The following LONRF2 variants were observed in gnomAD, a reference collection of about 807,000 sequenced individuals.
LONRF2 encodes the protein LON peptidase N-terminal domain and ring finger 2.
In LONRF2, 35 loss-of-function variants were observed where a neutral mutation model predicts 66.6. The ratio of observed to expected loss-of-function variants is 0.53; its 90% CI spans 0.40 to 0.70. The LOEUF (loss-of-function observed/expected upper bound fraction) is 0.70, where lower values mean the gene tolerates loss of function less well. Ranked by LOEUF, LONRF2 falls within the 30% of genes least tolerant of loss-of-function variation. LONRF2 has a pLI of 0.00. For synonymous variants in LONRF2, 417 were observed against 418.1 expected (o/e 1.00, Z 0.03); for missense variants, 902 against 1,002.1 (o/e 0.90, Z 1.35).
chr2:100,307,452 A>G (rs1039772202), intron 2 of LONRF2, among the ~76,000 whole-genome samples: 1 of 152,224 alleles, frequency 6.6e-6, no homozygotes, highest in Non-Finnish European at 1.5e-5. Context: ...TTTTTAGCTC[A>G]AAGAATACTA....
At chr2:100,297,778 G>C (rs939294497) in intron 7 of LONRF2, among the ~76,000 whole-genome samples, 3 of 152,134 alleles carry the variant, frequency 2.0e-5, no homozygotes, top group Non-Finnish European at 4.4e-5. Context: ...GAACTCTGAA[G>C]AATTTAAAAA....
At chr2:100,314,563 T>C (rs1372186375) in intron 1 of LONRF2, among the ~76,000 whole-genome samples, 3 of 152,120 alleles carry the variant, frequency 2.0e-5, no homozygotes, top group Admixed American at 6.6e-5. Context: ...CCCTTCTCAC[T>C]TTTTTGGGGG....
At chr2:100,306,314 G>A (rs1459157037) in intron 2 of LONRF2, among the ~76,000 whole-genome samples, 5 of 152,110 alleles carry the variant, frequency 3.3e-5, no homozygotes, top group African/African-American at 7.2e-5. Flanking sequence ...AATTTGCTTC[G>A]ATTATCAAAA....
intron 11 of LONRF2, among the ~76,000 whole-genome samples, chr2:100,284,815 C>T (rs1674812324): frequency 6.6e-6 from 1 of 152,142 alleles, no homozygotes; most frequent in South Asian, 2.1e-4. Context: ...ATCACTTTAA[C>T]CTTCACTTTC....
Position 100,322,211 on chromosome 2 carries a change from G to T in LONRF2, c.-118C>A, listed in dbSNP as rs1573132450. 1.3e-5 allele frequency: 14 copies of T among 1,040,422 alleles called. No individual in the cohort carries two copies. The highest frequency in any genetic ancestry group is 1.7e-5 in the Non-Finnish European group (14 of 825,914). 64.4% of individuals were successfully genotyped at this position (1,040,422 alleles called of 1,614,324 possible). A position where few individuals can be genotyped will look rare whatever the true frequency, so the allele number is the denominator to read the frequency against. ...TCAGCCCTCGCCAGCAGCCACGCGCGTCTGGGGGCGGCGCGCTGCGAGCGG... is the reference window on the plus strand; with the variant it reads ...TCAGCCCTCGCCAGCAGCCACGCGCTTCTGGGGGCGGCGCGCTGCGAGCGG... On this transcript the variant is annotated 5_prime_UTR_variant, in exon 1 of 12. Transcript: ENST00000393437.
At position 100,309,245 on chromosome 2, in the gene LONRF2, C is replaced by T; in HGVS notation, c.680-20G>A. 1 of 1,508,186 alleles carries T rather than the reference C, an allele frequency of 6.6e-7. No homozygotes were observed. Among genetic ancestry groups the T allele is most frequent in the Non-Finnish European group, 9.1e-7 (1 of 1,101,932 alleles). The allele number at this position is 1,508,186 out of a possible 1,614,324, so 93.4% of individuals were successfully genotyped here. A position where few individuals can be genotyped will look rare whatever the true frequency, so the allele number is the denominator to read the frequency against. On this transcript the variant is annotated intron_variant, in intron 1 of 11. Transcript: ENST00000393437. Reference sequence around the variant, plus strand: ...CAGGAGCTGAAAGACAGGAGGAATACAAATCAATAAAAATGACTGCATTTA... The same window carrying T: ...CAGGAGCTGAAAGACAGGAGGAATATAAATCAATAAAAATGACTGCATTTA...
At chr2:100,310,163 T>C (rs953889019) in intron 1 of LONRF2, among the ~76,000 whole-genome samples, 7 of 151,486 alleles carry the variant, frequency 4.6e-5, no homozygotes, top group Non-Finnish European at 1.0e-4. Context: ...AAGACTGGCC[T>C]CTCTTTGAAC....
rs888931855 is a variant in LONRF2, at chr2:100,322,214, TG to T, written c.-122del. 4 of 849,594 alleles carry T rather than the reference TG, an allele frequency of 4.7e-6. No individual in the cohort carries two copies. Among genetic ancestry groups the T allele is most frequent in the African/African-American group, 3.7e-5 (2 of 53,608 alleles). 52.6% of individuals were successfully genotyped at this position (849,594 alleles called of 1,614,324 possible). ...GCCCTCGCCAGCAGCCACGCGCGTC[TG>T]GGGGCGGCGCGCTGCGAGCGGCTGA... On this transcript the variant is annotated 5_prime_UTR_variant, in exon 1 of 12. Coordinates refer to ENST00000393437, the MANE Select transcript of LONRF2 (RefSeq NM_198461.4).
intron 1 of LONRF2, among the ~76,000 whole-genome samples, chr2:100,312,272 C>A (rs983030867): frequency 1.3e-5 from 2 of 152,050 alleles, no homozygotes; most frequent in Non-Finnish European, 2.9e-5. Flanking sequence ...GTTTTAAAAT[C>A]TTTTATAAAT....
At chr2:100,319,407 T>C (rs1378125168) in intron 1 of LONRF2, among the ~76,000 whole-genome samples, 1 of 152,172 alleles carries the variant, frequency 6.6e-6, no homozygotes, top group African/African-American at 2.4e-5. Context: ...TGCAATGAAC[T>C]ATTGCAAAGT....
In LONRF2 at chr2:100,321,534, A is replaced by T; in HGVS notation, c.560T>A (p.Leu187Gln). ...GCACTCGGCCGGGAAGCACTTCTCC[A>T]GCAGGCCGCTCAGCACCACGTTCAC... The part of the protein sequence containing the change: ...RRVNVVLSGL[L>Q]EKCFPAECRL... Residue 187 changes from leucine (L) to glutamine (Q), a missense_variant, in exon 1 of 12, where the codon CTG becomes CAG. Transcript: ENST00000393437. The T allele has an allele frequency of 6.4e-7, 1 of 1,552,412 alleles. No homozygotes were observed. Among genetic ancestry groups the T allele is most frequent in the Non-Finnish European group, 8.6e-7 (1 of 1,161,200 alleles).
chr2:100,292,105 T>C (rs1674973913), intron 9 of LONRF2, among the ~76,000 whole-genome samples: 1 of 152,214 alleles, frequency 6.6e-6, no homozygotes, highest in South Asian at 2.1e-4. Context: ...TCTACTTATA[T>C]ACTTAATAAA....
At chr2:100,288,532 CAA>C (rs1480978980) in intron 10 of LONRF2, among the ~76,000 whole-genome samples, 1 of 152,188 alleles carries the variant, frequency 6.6e-6, no homozygotes, top group Non-Finnish European at 1.5e-5. Flanking sequence ...TTGTTGAGCT[CAA>C]AGAGTTTTCT....
chr2:100,278,021 A>T lies in LONRF2; in HGVS notation c.*6277T>A, dbSNP rs1362003638. The T allele has an allele frequency of 6.6e-6, 1 of 152,204 alleles. No individual in the cohort carries two copies. Among genetic ancestry groups the T allele is most frequent in the East Asian group, 1.9e-4 (1 of 5,188 alleles). The allele number at this position is 152,204 out of a possible 1,614,324, so 9.4% of individuals were successfully genotyped here. On this transcript the variant is annotated 3_prime_UTR_variant, in exon 12 of 12. Transcript: ENST00000393437. ...ACAATGCTGGGCTCTGGGAAAAGGCATTCGCTACAACTTCCACAGCCCTGA... is the reference window on the plus strand; with the variant it reads ...ACAATGCTGGGCTCTGGGAAAAGGCTTTCGCTACAACTTCCACAGCCCTGA...
chr2:100,304,084 A>C (rs1675239662), intron 2 of LONRF2, among the ~76,000 whole-genome samples: 1 of 152,050 alleles, frequency 6.6e-6, no homozygotes, highest in South Asian at 2.1e-4. Flanking sequence ...TTTGCCATGT[A>C]TAATGTGTTA....
At chr2:100,292,897 T>A (rs1674990981) in intron 9 of LONRF2, among the ~76,000 whole-genome samples, 1 of 152,226 alleles carries the variant, frequency 6.6e-6, no homozygotes, top group South Asian at 2.1e-4. Flanking sequence ...GACCACCCAC[T>A]AATTTTCTGG....
intron 11 of LONRF2, 54 bp from the exon 12 acceptor site, chr2:100,284,546 C>A: frequency 7.2e-7 from 1 of 1,395,024 alleles, no homozygotes; most frequent in East Asian, 2.6e-5. Flanking sequence ...CAAGCCTGTT[C>A]CCCAACACAG....
At chr2:100,319,486 C>T (rs898374319) in intron 1 of LONRF2, among the ~76,000 whole-genome samples, 2 of 152,178 alleles carry the variant, frequency 1.3e-5, no homozygotes, top group Non-Finnish European at 2.9e-5. Flanking sequence ...AGATCCCTCT[C>T]ATACTTCCTC....
In LONRF2 at chr2:100,288,993, T is replaced by C. The variant is rs116363423; in HGVS notation, c.1920+1265A>G. On this transcript the variant is annotated intron_variant, in intron 10 of 11. Coordinates refer to ENST00000393437, the MANE Select transcript of LONRF2 (RefSeq NM_198461.4). Reference sequence around the variant, plus strand: ...AACATTTTGCTAATTTGTCAAATTATATGTCCTGATATTTCTATTAGACAC... The same window carrying C: ...AACATTTTGCTAATTTGTCAAATTACATGTCCTGATATTTCTATTAGACAC... 3.2e-3 allele frequency among the ~76,000 whole-genome samples: 485 copies of C among 152,348 alleles called. 2 individuals are homozygous for C. Among genetic ancestry groups the C allele is most frequent in the African/African-American group, 0.011 (467 of 41,574 alleles).
Sources: gnomAD v4.1 joint callset for allele counts (sites outside exome capture counted in the v4.1 genomes callset) on GRCh38, gnomAD v4.1.1 for gene constraint, MANE v1.5 for transcripts, NCBI Gene and HGNC (gene_info 2026-07-23, HGNC 2026-07-21) for gene names.